The following ITGAX variants were observed in gnomAD, a reference collection of about 807,000 sequenced individuals.
ITGAX encodes the protein integrin alpha-X.
ITGAX carries 99 observed loss-of-function variants against 140.2 expected under a neutral mutation model. The observed-to-expected ratio is 0.71, with a 90% CI of 0.60 to 0.83. The LOEUF (loss-of-function observed/expected upper bound fraction) is 0.83. Ranked by LOEUF, ITGAX falls within the 40% of genes least tolerant of loss-of-function variation. The pLI is 0.00. For synonymous variants in ITGAX, 631 were observed against 600.4 expected (o/e 1.05, Z -0.75); for missense variants, 1,444 against 1,482.0 (o/e 0.97, Z 0.42).
chr16:31,357,179 GT>G, intron 4 of ITGAX, 73 bp from the exon 5 acceptor site: 1 of 1,548,734 alleles, frequency 6.5e-7, no homozygotes, highest in Non-Finnish European at 8.8e-7. Flanking sequence ...GGAGTCTCCT[GT>G]AGGGTGGAGG....
rs1408202328 is a variant in ITGAX at position 31,380,309 on chromosome 16, C to T, written c.3104C>T (p.Pro1035Leu). Residue 1035 changes from proline (P) to leucine (L), a missense_variant, in exon 27 of 30, where the codon CCC (proline) becomes CTC (leucine). By Grantham distance (98) the Pro-to-Leu change is moderately conservative. Transcript: ENST00000268296. ...AGCLRFRCDV[P>L]SFSVQEELDF... ...TGCCTGCGGTTCCGCTGTGACGTCC[C>T]CTCCTTCAGCGTCCAGGAGGAGCTG... 1.9e-6 allele frequency: 3 copies of T among 1,614,244 alleles called. No homozygotes were observed. The highest frequency in any genetic ancestry group is 2.5e-6 in the Non-Finnish European group (3 of 1,180,038).
At chr16:31,356,495 C>T (rs528529833) in intron 2 of ITGAX, 130 bp from the exon 3 acceptor site, 1 of 634,172 alleles carries the variant, frequency 1.6e-6, no homozygotes, top group Non-Finnish European at 2.9e-6. Context: ...TCCACATGGA[C>T]TTTAAATTAT....
intron 14 of ITGAX, among the ~76,000 whole-genome samples, chr16:31,364,506 C>T (rs949265865): frequency 6.6e-6 from 1 of 150,610 alleles, no homozygotes; most frequent in African/African-American, 2.5e-5. Context: ...TACAAAGGGC[C>T]AATGGGTGCA....
At chr16:31,381,053 C>T in intron 29 of ITGAX, 46 bp downstream of exon 29, 1 of 1,484,764 alleles carries the variant, frequency 6.7e-7, no homozygotes, top group Non-Finnish European at 9.4e-7. Context: ...TCTGGTCCCG[C>T]TCTTTTTGCA....
Position 31,377,016 on chromosome 16 carries a change from C to T in ITGAX, c.2642C>T (p.Thr881Ile). 1.2e-6 allele frequency: 2 copies of T among 1,614,230 alleles called. No homozygotes were observed. Among genetic ancestry groups the T allele is most frequent in the Non-Finnish European group, 1.7e-6 (2 of 1,180,052 alleles). ...RGGAQITFLA[T>I]FDVSPKAVLG... ...TTTCCTCAGATCACCTTCTTGGCTA[C>T]CTTTGACGTCTCCCCCAAGGCTGTC... The change falls in exon 22 of 30, where the codon ACC (threonine) becomes ATC (isoleucine). Residue 881 changes from threonine (T) to isoleucine (I), a missense_variant. Coordinates refer to ENST00000268296, the MANE Select transcript of ITGAX (RefSeq NM_000887.5).
intron 20 of ITGAX, among the ~76,000 whole-genome samples, chr16:31,374,125 C>T (rs1028627926): frequency 1.3e-5 from 2 of 151,996 alleles, no homozygotes; most frequent in South Asian, 4.1e-4. Context: ...CCCATCTCTA[C>T]GAAAAATACA....
chr16:31,382,228 C>CTTTTTTTTTTTTTTCTTTTTT lies in ITGAX; in HGVS notation c.*335_*336insCTTTTTTTTTTTTTTTTTTTT. 2 of 902,772 alleles carry CTTTTTTTTTTTTTTCTTTTTT rather than the reference C, an allele frequency of 2.2e-6. No homozygotes were observed. Among genetic ancestry groups the CTTTTTTTTTTTTTTCTTTTTT allele is most frequent in the South Asian group, 2.2e-5 (1 of 45,500 alleles). The allele number at this position is 902,772 out of a possible 1,614,324, so 55.9% of individuals were successfully genotyped here. A position where few individuals can be genotyped will look rare whatever the true frequency, so the allele number is the denominator to read the frequency against. ...GGCACGAATGATCTTTCTTTCCTTT[C>CTTTTTTTTTTTTTTCTTTTTT]TTTTTTTTTTTTTTTCTTTTCTTTT... On this transcript the variant is annotated 3_prime_UTR_variant, in exon 30 of 30. Coordinates refer to ENST00000268296, the MANE Select transcript of ITGAX (RefSeq NM_000887.5).
In ITGAX at chr16:31,362,596, G is replaced by T. The variant is rs1322554944; in HGVS notation, c.1217-15G>T. On this transcript the variant is annotated splice_polypyrimidine_tract_variant and intron_variant, in intron 11 of 29. Transcript: ENST00000268296. Reference sequence around the variant, plus strand: ...GGGGAATGGGGGCCTTTGTGCTGAGGCCTGGGCCCCTCAGGTTACTCCACC... The same window carrying T: ...GGGGAATGGGGGCCTTTGTGCTGAGTCCTGGGCCCCTCAGGTTACTCCACC... 4.4e-6 allele frequency: 7 copies of T among 1,607,352 alleles called. No homozygotes were observed. The highest frequency in any genetic ancestry group is 5.9e-6 in the Non-Finnish European group (7 of 1,177,764).
At position 31,382,228 on chromosome 16, in the gene ITGAX, C is replaced by CT. The variant is rs61575806; in HGVS notation, c.*336dup. The CT allele has an allele frequency of 0.071, 63,141 of 886,990 alleles. 61 individuals carry two copies. The highest frequency in any genetic ancestry group is 0.085 in the Middle Eastern group (178 of 2,100). The allele number at this position is 886,990 out of a possible 1,614,324, so 54.9% of individuals were successfully genotyped here. A position where few individuals can be genotyped will look rare whatever the true frequency, so the allele number is the denominator to read the frequency against. ...GGCACGAATGATCTTTCTTTCCTTT[C>CT]TTTTTTTTTTTTTTTCTTTTCTTTT... On this transcript the variant is annotated 3_prime_UTR_variant, in exon 30 of 30. Coordinates refer to ENST00000268296, the MANE Select transcript of ITGAX (RefSeq NM_000887.5).
intron 5 of ITGAX, among the ~76,000 whole-genome samples, chr16:31,359,418 C>T (rs2080796916): frequency 6.6e-6 from 1 of 152,206 alleles, no homozygotes; most frequent in Admixed American, 6.5e-5. Context: ...CCCCCCTCGG[C>T]CTCCCAAAGT....
At chr16:31,362,054 C>T in intron 10 of ITGAX, 21 bp from the exon 11 acceptor site, 3 of 1,614,002 alleles carry the variant, frequency 1.9e-6, no homozygotes, top group Non-Finnish European at 2.5e-6. Context: ...TCTGCTCAGC[C>T]CTGGAATCCT....
At chr16:31,373,105 AAG>A in intron 19 of ITGAX, 142 bp from the exon 20 acceptor site, 4 of 243,134 alleles carry the variant, frequency 1.6e-5, no homozygotes, top group African/African-American at 1.5e-4. Context: ...AAAAAAAAAG[AAG>A]AAGAAGAAGA....
At position 31,357,039 on chromosome 16, in the gene ITGAX, G is replaced by A. The variant is rs2080768757; in HGVS notation, c.256G>A (p.Glu86Lys). 2 of 1,609,348 alleles carry A rather than the reference G, an allele frequency of 1.2e-6. No homozygotes were observed. Among genetic ancestry groups the A allele is most frequent in the African/African-American group, 2.7e-5 (2 of 74,704 alleles). The change falls in exon 4 of 30, where the codon GAG (glutamate) becomes AAG (lysine). Residue 86 changes from glutamate (E) to lysine (K), a missense_variant. Physicochemically the swap from Glu to Lys is moderately conservative, Grantham distance 56. Coordinates refer to ENST00000268296, the MANE Select transcript of ITGAX (RefSeq NM_000887.5). ...CEPIGLQVPP[E>K]AVNMSLGLSL... is the part of the protein sequence containing the mutation. ...CATATCTGTCCCCACAGTGCCCCCGGAGGCCGTGAACATGTCCCTGGGCCT... is the reference window on the plus strand; with the variant it reads ...CATATCTGTCCCCACAGTGCCCCCGAAGGCCGTGAACATGTCCCTGGGCCT...
rs2080763527 is a variant in ITGAX, at chr16:31,356,692, T to G, written c.211T>G (p.Tyr71Asp). The change falls in exon 3 of 30, where the codon TAC becomes GAC. Residue 71 changes from tyrosine to aspartate, a missense_variant. Physicochemically the swap from Tyr to Asp is radical, Grantham distance 160. Transcript: ENST00000268296. ...AACGGGTGGCCTCTACCAGTGTGGC[T>G]ACAGCACTGGTGCCTGTGAGCCCAT... ...NQTGGLYQCGYSTGACEPIGL... is the reference protein window; with the variant it reads ...NQTGGLYQCGDSTGACEPIGL... The G allele has an allele frequency of 1.9e-6, 3 of 1,597,902 alleles. No homozygotes were observed. Among genetic ancestry groups the G allele is most frequent in the Non-Finnish European group, 2.6e-6 (3 of 1,173,460 alleles).
At chr16:31,357,681 C>A in intron 5 of ITGAX, 1 of 422,748 alleles carries the variant, frequency 2.4e-6, no homozygotes, top group Non-Finnish European at 4.1e-6. Context: ...TAGCACCAGG[C>A]GACAGCCCCA....
chr16:31,380,449 C>T (rs1310534056), intron 27 of ITGAX, 70 bp downstream of exon 27: 2 of 1,609,420 alleles, frequency 1.2e-6, no homozygotes, highest in African/African-American at 2.7e-5. Flanking sequence ...TGCCCATCTG[C>T]AAGCCAGGGC....
chr16:31,371,810 G>A (rs189349020), intron 17 of ITGAX, 26 bp downstream of exon 17: 478 of 1,610,576 alleles, frequency 3.0e-4, no homozygotes, highest in Non-Finnish European at 3.2e-4. Context: ...AACGTGGGTG[G>A]CGGCCGCGCT....
chr16:31,360,213 C>A, intron 7 of ITGAX, 97 bp from the exon 8 acceptor site: 1 of 1,511,854 alleles, frequency 6.6e-7, no homozygotes, highest in Non-Finnish European at 8.9e-7. Context: ...GGGACTGGGG[C>A]CTCCCAAAGG....
In ITGAX at chr16:31,372,404, C is replaced by T; in HGVS notation, c.2187C>T (p.Pro729=). Residue 729 remains proline, a synonymous_variant, in exon 18 of 30, where the codon CCC becomes CCT. Coordinates refer to ENST00000268296, the MANE Select transcript of ITGAX (RefSeq NM_000887.5). ...GCTGCGTGGAGGACTCTGTGACCCC[C>T]ATTACCTTGCGTCTGAACTTCACGC... ...LPSCVEDSVT[P]ITLRLNFTLV... is the part of the protein sequence containing the mutation. 6.2e-7 allele frequency: 1 copy of T among 1,609,370 alleles called. No homozygotes were observed.
Sources: gnomAD v4.1 joint callset for allele counts (sites outside exome capture counted in the v4.1 genomes callset) on GRCh38, gnomAD v4.1.1 for gene constraint, MANE v1.5 for transcripts, NCBI Gene and HGNC (gene_info 2026-07-23, HGNC 2026-07-21) for gene names.